The following UNC5A variants were observed in gnomAD, a reference collection of about 807,000 sequenced individuals.
The protein encoded by UNC5A is netrin receptor UNC5A.
Under a neutral mutation model 87.4 loss-of-function variants are expected in UNC5A, and 20 were observed. The ratio of observed to expected loss-of-function variants is 0.23; its 90% CI spans 0.16 to 0.33. The LOEUF (loss-of-function observed/expected upper bound fraction) is 0.33, where lower values mean the gene tolerates loss of function less well. Among genes scored for constraint, UNC5A ranks in the 10% least tolerant of loss-of-function variants. UNC5A has a pLI of 1.00. For missense variants in UNC5A, 844 were observed against 1,133.4 expected (o/e 0.74, Z 3.67); for synonymous variants, 438 against 482.3 (o/e 0.91, Z 1.20).
intron 1 of UNC5A, 82 bp from the exon 2 acceptor site, chr5:176,862,542 C>T (rs1256995347): frequency 2.2e-5 from 29 of 1,326,872 alleles, no homozygotes; most frequent in African/African-American, 2.9e-5. Context: ...CCCCAACCCA[C>T]GGTGGAATCG....
chr5:176,830,473 GGT>G (rs1280998986), intron 1 of UNC5A, among the ~76,000 whole-genome samples: 2 of 146,414 alleles, frequency 1.4e-5, no homozygotes, highest in East Asian at 2.0e-4. Context: ...TGTGTGTGCT[GGT>G]GTGTGTGTGC....
In UNC5A at chr5:176,813,464, C is replaced by T. The variant is rs144400165; in HGVS notation, c.70+2644C>T. On this transcript the variant is annotated intron_variant, in intron 1 of 14. Coordinates refer to ENST00000329542, the MANE Select transcript of UNC5A (RefSeq NM_133369.3). ...AGCTGGCTGAGGGGGTCTTAATCCT[C>T]CAGGGCTAGGAGATACCCTGTTCCT... Among the ~76,000 whole-genome samples, 412 of 152,322 alleles carry T rather than the reference C, an allele frequency of 2.7e-3. 5 individuals are homozygous for T. Among genetic ancestry groups the T allele is most frequent in the African/African-American group, 9.4e-3 (390 of 41,572 alleles).
In UNC5A at chr5:176,879,903, C is replaced by CA. The variant is rs368093887; in HGVS notation, c.*18dup. 113 of 1,533,402 alleles carry CA rather than the reference C, an allele frequency of 7.4e-5. No individual in the cohort carries two copies. In the African/African-American group the frequency reaches 1.5e-3, roughly 21 times the overall value. The allele number at this position is 1,533,402 out of a possible 1,614,324, so 95.0% of individuals were successfully genotyped here. On this transcript the variant is annotated 3_prime_UTR_variant, in exon 15 of 15. Coordinates refer to ENST00000329542, the MANE Select transcript of UNC5A (RefSeq NM_133369.3). Reference sequence around the variant, plus strand: ...GAGTGCTGAGGCCGGCCAGGCCCGACACCTACACTCTCACCAGCTTTGGCA... The same window carrying CA: ...GAGTGCTGAGGCCGGCCAGGCCCGACAACCTACACTCTCACCAGCTTTGGCA...
intron 1 of UNC5A, among the ~76,000 whole-genome samples, chr5:176,812,379 G>A (rs1426287071): frequency 6.6e-6 from 1 of 152,218 alleles, no homozygotes; most frequent in East Asian, 1.9e-4. Context: ...GCTGCATGTC[G>A]CCCACGTGAG....
At chr5:176,877,450 T>G in intron 9 of UNC5A, 85 bp from the exon 10 acceptor site, 1 of 1,470,002 alleles carries the variant, frequency 6.8e-7, no homozygotes, top group Non-Finnish European at 9.2e-7. Flanking sequence ...CCTGGGATGC[T>G]GCTGCCCTGC....
At position 176,878,085 on chromosome 5, in the gene UNC5A, C is replaced by T. The variant is rs763327194; in HGVS notation, c.1827C>T (p.Asn609=). 8.7e-6 allele frequency: 14 copies of T among 1,609,786 alleles called. No individual in the cohort carries two copies. The East Asian group carries it at 2.7e-4, about 31-fold the overall frequency. ...TGGCCTGCACCTCCCTCGAGTACAA[C>T]ATCCGGGTCTACTGCCTGCATGACA... is the stretch of plus-strand genomic sequence containing the variant. ...APVACTSLEY[N]IRVYCLHDTH... Residue 609 remains asparagine, a synonymous_variant, in exon 11 of 15, where the codon AAC becomes AAT. Transcript: ENST00000329542.
At chr5:176,831,914 T>G (rs1392210743) in intron 1 of UNC5A, among the ~76,000 whole-genome samples, 1 of 108,146 alleles carries the variant, frequency 9.2e-6, no homozygotes, top group Non-Finnish European at 1.9e-5. Flanking sequence ...TTTTTTTTTT[T>G]GAGACAGAGT....
chr5:176,874,399 G>C lies in UNC5A; in HGVS notation c.1211G>C (p.Gly404Ala). The change falls in exon 8 of 15, where the codon GGT becomes GCT. Residue 404 changes from glycine (G) to alanine (A), a missense_variant. By Grantham distance (60) the Gly-to-Ala change is moderately conservative (BLOSUM62 0). Transcript: ENST00000329542. The surrounding 1 kb of genome is among the most constrained non-coding windows in gnomAD (Gnocchi z 7.6). ...LTNGHLLSPL[G>A]GGRHTLHHSS... Reference sequence around the variant, plus strand: ...AATGGGCACCTGCTCAGCCCCCTGGGTGGCGGCCGCCACACACTGCACCAC... The same window carrying C: ...AATGGGCACCTGCTCAGCCCCCTGGCTGGCGGCCGCCACACACTGCACCAC... 1 of 1,613,578 alleles carries C rather than the reference G, an allele frequency of 6.2e-7. No individual in the cohort carries two copies. Among genetic ancestry groups the C allele is most frequent in the Non-Finnish European group, 8.5e-7 (1 of 1,179,932 alleles).
At chr5:176,855,805 C>T (rs1757653658) in intron 1 of UNC5A, among the ~76,000 whole-genome samples, 1 of 152,216 alleles carries the variant, frequency 6.6e-6, no homozygotes, top group African/African-American at 2.4e-5. Flanking sequence ...TCCCCAAGGC[C>T]TGCTGGGCAC....
At position 176,874,558 on chromosome 5, in the gene UNC5A, C is replaced by T. The variant is rs1163569735; in HGVS notation, c.1370C>T (p.Pro457Leu). The T allele has an allele frequency of 6.4e-7, 1 of 1,552,950 alleles. No homozygotes were observed. Among genetic ancestry groups the T allele is most frequent in the East Asian group, 2.3e-5 (1 of 43,964 alleles). ...TTCCTCGGGGGCCGGCTGATGATCC[C>T]TAATACAGGTAGGAAGGACCCCAGG... ...FNFLGGRLMI[P>L]NTGISLLIPP... The change falls in exon 8 of 15, where the codon CCT becomes CTT. Residue 457 changes from proline to leucine, a missense_variant. By Grantham distance (98) the Pro-to-Leu change is moderately conservative (BLOSUM62 -3). Around this residue, in one of 3 missense-constraint regions of UNC5A, gnomAD observed 353 missense variants for 387.5 expected, o/e 0.91. Coordinates refer to ENST00000329542, the MANE Select transcript of UNC5A (RefSeq NM_133369.3). This position sits in a 1 kb window ranked among gnomAD's most constrained non-coding sequence, Gnocchi z 7.6.
At chr5:176,842,723 A>G (rs1008383333) in intron 1 of UNC5A, among the ~76,000 whole-genome samples, 6 of 152,314 alleles carry the variant, frequency 3.9e-5, no homozygotes, top group African/African-American at 1.4e-4. Context: ...GGAAGGGGTG[A>G]GGGATAAAAG....
intron 9 of UNC5A, 79 bp from the exon 10 acceptor site, chr5:176,877,456 C>A: frequency 6.7e-7 from 1 of 1,488,254 alleles, no homozygotes; most frequent in Non-Finnish European, 9.1e-7. Context: ...ATGCTGCTGC[C>A]CTGCCCTTGG....
intron 1 of UNC5A, among the ~76,000 whole-genome samples, chr5:176,822,158 T>C (rs754455841): frequency 6.6e-6 from 1 of 152,278 alleles, no homozygotes; most frequent in Non-Finnish European, 1.5e-5. Flanking sequence ...CGAGTCATTC[T>C]GTGTGGTGCA....
chr5:176,836,351 G>A (rs960253581), intron 1 of UNC5A, among the ~76,000 whole-genome samples: 5 of 152,230 alleles, frequency 3.3e-5, no homozygotes, highest in Admixed American at 1.3e-4. Flanking sequence ...AGCCCAGCCC[G>A]AGATGGGGCA....
At chr5:176,864,918 G>A (rs1026617830) in intron 2 of UNC5A, 2 of 442,824 alleles carry the variant, frequency 4.5e-6, no homozygotes, top group African/African-American at 4.0e-5. Flanking sequence ...AGGTGCCAGA[G>A]GCCTCCCTGC....
intron 1 of UNC5A, among the ~76,000 whole-genome samples, chr5:176,812,754 G>A (rs1282664642): frequency 1.3e-5 from 2 of 152,156 alleles, no homozygotes; most frequent in African/African-American, 4.8e-5. Context: ...CTGCCCCAAG[G>A]CATCAACTCT....
At chr5:176,831,041 G>A (rs1178480142) in intron 1 of UNC5A, among the ~76,000 whole-genome samples, 1 of 151,948 alleles carries the variant, frequency 6.6e-6, no homozygotes, top group Non-Finnish European at 1.5e-5. Flanking sequence ...GCTCTGTGGT[G>A]GCCACACAGA....
At chr5:176,834,163 A>T (rs544557279) in intron 1 of UNC5A, among the ~76,000 whole-genome samples, 90 of 152,242 alleles carry the variant, frequency 5.9e-4, no homozygotes, top group African/African-American at 1.9e-3. Context: ...AGTGGAGGGG[A>T]TGCAGTGCAC....
chr5:176,835,899 G>A (rs2113614096), intron 1 of UNC5A, among the ~76,000 whole-genome samples: 1 of 152,296 alleles, frequency 6.6e-6, no homozygotes, highest in African/African-American at 2.4e-5. Flanking sequence ...CAAAAGGCCT[G>A]GATGAATAAA....
Sources: gnomAD v4.1 joint callset for allele counts (sites outside exome capture counted in the v4.1 genomes callset) on GRCh38, gnomAD v4.1.1 for gene constraint, gnomAD v4.1.1 regional missense constraint, Gnocchi (gnomAD v3.1) non-coding constraint, MANE v1.5 for transcripts, NCBI Gene and HGNC (gene_info 2026-07-23, HGNC 2026-07-21) for gene names.